The following TGFBR2 variants were observed in gnomAD, a reference collection of about 807,000 sequenced individuals.
TGFBR2 encodes transforming growth factor beta receptor 2.
A neutral mutation model predicts 49.0 loss-of-function variants in TGFBR2; 18 were observed. That is an observed-to-expected ratio of 0.37 (90% CI 0.25 to 0.54). The LOEUF is 0.54. TGFBR2 is among the 20% of genes least tolerant of loss of function. The probability of loss-of-function intolerance (pLI) is 0.85; values close to 1 mark genes in which losing one functional copy is unlikely to be tolerated. For missense variants in TGFBR2, 525 were observed against 722.6 expected (o/e 0.73, Z 3.13); for synonymous variants, 282 against 275.9 (o/e 1.02, Z -0.22).
intron 3 of TGFBR2, among the ~76,000 whole-genome samples, chr3:30,670,838 A>G (rs946472276): frequency 1.3e-5 from 2 of 152,240 alleles, no homozygotes; most frequent in African/African-American, 2.4e-5. Flanking sequence ...TTTCAGTTCC[A>G]TGAAACTACA....
chr3:30,624,129 C>T (rs1698286825), intron 1 of TGFBR2, among the ~76,000 whole-genome samples: 1 of 151,304 alleles, frequency 6.6e-6, no homozygotes, highest in African/African-American at 2.4e-5. Context: ...GGCAACAGAC[C>T]AAGATTCCAT....
chr3:30,638,790 A>T (rs1559454510), intron 1 of TGFBR2, among the ~76,000 whole-genome samples: 1 of 151,368 alleles, frequency 6.6e-6, no homozygotes, highest in African/African-American at 2.4e-5. Context: ...AGATTGCTTG[A>T]CTTTCTTCTT....
In TGFBR2 at chr3:30,688,469, T is replaced by C. The variant is rs757583727; in HGVS notation, c.1482T>C (p.Asp494=). The change falls in exon 6 of 7, where the codon GAT becomes GAC. Residue 494 remains aspartate, a synonymous_variant. Transcript: ENST00000295754. ...GCATGAAGGACAACGTGTTGAGAGA[T>C]CGAGGGCGACCAGAAATTCCCAGCT... is the stretch of plus-strand genomic sequence containing the variant. The part of the protein sequence containing the change: ...VESMKDNVLR[D]RGRPEIPSFW... 16 of 1,614,090 alleles carry C rather than the reference T, an allele frequency of 9.9e-6. No homozygotes were observed. The highest frequency in any genetic ancestry group is 1.4e-5 in the Non-Finnish European group (16 of 1,180,022).
rs776374040 is a variant in TGFBR2 at position 30,650,377 on chromosome 3, A to T, written c.371A>T (p.Lys124Met). ...GCTGCTTCTCCAAAGTGCATTATGA[A>T]GGAAAAAAAAAAGCCTGGTGAGACT... ...EDAASPKCIM[K>M]EKKKPGETFF... The change falls in exon 3 of 7, where the codon AAG (lysine) becomes ATG (methionine). Residue 124 changes from lysine to methionine, a missense_variant. Transcript: ENST00000295754. The T allele has an allele frequency of 1.2e-6, 2 of 1,614,002 alleles. No individual in the cohort carries two copies. Among genetic ancestry groups the T allele is most frequent in the Admixed American group, 3.3e-5 (2 of 60,000 alleles).
At chr3:30,610,581 G>A (rs1482882807) in intron 1 of TGFBR2, among the ~76,000 whole-genome samples, 4 of 152,132 alleles carry the variant, frequency 2.6e-5, no homozygotes, top group South Asian at 2.1e-4. Flanking sequence ...GAATCAGGCC[G>A]TCCTGGGTTC....
rs1189114715 is a variant in TGFBR2 at position 30,611,587 on chromosome 3, T to TA, written c.94+4610_94+4611insA. The stretch of plus-strand genomic sequence containing the variant: ...TCCAGTAGATACTGATTCCTCTTTT[T>TA]TTTTTTTTTCATAGAAGGGTGTCGG... On this transcript the variant is annotated intron_variant, in intron 1 of 6. Coordinates refer to ENST00000295754, the MANE Select transcript of TGFBR2 (RefSeq NM_003242.6). Among the ~76,000 whole-genome samples the TA allele has an allele frequency of 2.0e-5, 3 of 152,140 alleles. No individual in the cohort carries two copies. In the East Asian group the frequency reaches 5.8e-4, roughly 29 times the overall value.
At chr3:30,678,554 A>C (rs1248312157) in intron 5 of TGFBR2, among the ~76,000 whole-genome samples, 2 of 151,340 alleles carry the variant, frequency 1.3e-5, no homozygotes, top group Non-Finnish European at 3.0e-5. Flanking sequence ...TCTAAAAAAA[A>C]AAAAAAAAAA....
At chr3:30,638,185 GTTAT>G (rs1466659032) in intron 1 of TGFBR2, among the ~76,000 whole-genome samples, 1 of 152,114 alleles carries the variant, frequency 6.6e-6, no homozygotes, top group African/African-American at 2.4e-5. Context: ...CATATGATTT[GTTAT>G]TTGTTTCCAA....
chr3:30,660,911 G>A (rs1699111109), intron 3 of TGFBR2, among the ~76,000 whole-genome samples: 2 of 152,218 alleles, frequency 1.3e-5, no homozygotes, highest in African/African-American at 2.4e-5. Flanking sequence ...ATTTTAGGAG[G>A]TGAGAAACTC....
At chr3:30,629,244 T>TA (rs1698393339) in intron 1 of TGFBR2, among the ~76,000 whole-genome samples, 1 of 152,264 alleles carries the variant, frequency 6.6e-6, no homozygotes, top group East Asian at 1.9e-4. Context: ...TGATTTCATT[T>TA]AACTTTAGTT....
chr3:30,608,185 C>T (rs530651426), intron 1 of TGFBR2, among the ~76,000 whole-genome samples: 2 of 152,228 alleles, frequency 1.3e-5, no homozygotes, highest in East Asian at 1.9e-4. Flanking sequence ...GATCCGCCCA[C>T]CTTGGCCTCC....
chr3:30,631,983 C>A (rs897937312), intron 1 of TGFBR2, among the ~76,000 whole-genome samples: 7 of 152,056 alleles, frequency 4.6e-5, no homozygotes, highest in African/African-American at 1.7e-4. Flanking sequence ...CAAATGAGCT[C>A]CAGGAGAGAA....
In TGFBR2 at chr3:30,691,643, C is replaced by T; in HGVS notation, c.*44C>T. 11 of 1,611,582 alleles carry T rather than the reference C, an allele frequency of 6.8e-6. No individual in the cohort carries two copies. Among genetic ancestry groups the T allele is most frequent in the African/African-American group, 2.7e-5 (2 of 74,974 alleles). On this transcript the variant is annotated 3_prime_UTR_variant, in exon 7 of 7. Coordinates refer to ENST00000295754, the MANE Select transcript of TGFBR2 (RefSeq NM_003242.6). ...GGCCATGTCCAAAGAGGCTGCCCCT[C>T]TCACCAAAGAACAGAGGCAGCAGGA...
chr3:30,609,703 T>C (rs1031082135), intron 1 of TGFBR2, among the ~76,000 whole-genome samples: 1 of 152,212 alleles, frequency 6.6e-6, no homozygotes, highest in Non-Finnish European at 1.5e-5. Flanking sequence ...AAAGAATTTG[T>C]AAAAGTGTCA....
chr3:30,607,719 C>T (rs1697947989), intron 1 of TGFBR2, among the ~76,000 whole-genome samples: 1 of 150,252 alleles, frequency 6.7e-6, no homozygotes. Context: ...TTGTTGGAAA[C>T]CGAAGGGTTA....
At chr3:30,643,480 C>T (rs1698679004) in intron 1 of TGFBR2, among the ~76,000 whole-genome samples, 1 of 152,168 alleles carries the variant, frequency 6.6e-6, no homozygotes, top group African/African-American at 2.4e-5. Context: ...CCCTAGTTTG[C>T]AGCCTGTATT....
chr3:30,694,009 A>G lies in TGFBR2; in HGVS notation c.*2410A>G, dbSNP rs936107923. 3 of 230,068 alleles carry G rather than the reference A, an allele frequency of 1.3e-5. No individual in the cohort carries two copies. Among genetic ancestry groups the G allele is most frequent in the Non-Finnish European group, 1.7e-5 (2 of 115,880 alleles). The allele number at this position is 230,068 out of a possible 1,614,324, so 14.3% of individuals were successfully genotyped here. A position where few individuals can be genotyped will look rare whatever the true frequency, so the allele number is the denominator to read the frequency against. On this transcript the variant is annotated 3_prime_UTR_variant, in exon 7 of 7. Transcript: ENST00000295754. ...TGTGAATGCTATATACTCTTTTTAT[A>G]TCAAAAGTCTCAAGCACTTATTTTT...
At chr3:30,650,607 T>G in intron 3 of TGFBR2, 147 bp downstream of exon 3, 1 of 853,526 alleles carries the variant, frequency 1.2e-6, no homozygotes, top group Non-Finnish European at 1.9e-6. Flanking sequence ...AAAGAGGGGC[T>G]TGGGGAGTAG....
chr3:30,616,885 C>T (rs1698143450), intron 1 of TGFBR2, among the ~76,000 whole-genome samples: 1 of 152,144 alleles, frequency 6.6e-6, no homozygotes, highest in African/African-American at 2.4e-5. Context: ...AGCTAGAGCT[C>T]ACTCCTTCCT....
Sources: gnomAD v4.1 joint callset for allele counts (sites outside exome capture counted in the v4.1 genomes callset) on GRCh38, gnomAD v4.1.1 for gene constraint, MANE v1.5 for transcripts, NCBI Gene and HGNC (gene_info 2026-07-23, HGNC 2026-07-21) for gene names.